Variants in KIAA1217 observed in about 807,000 individuals in gnomAD.
KIAA1217 encodes KIAA1217.
KIAA1217 carries 88 observed loss-of-function variants against 163.9 expected under a neutral mutation model. The ratio of observed to expected loss-of-function variants is 0.54; its 90% CI spans 0.45 to 0.64. KIAA1217 has a LOEUF of 0.64. Among genes scored for constraint, KIAA1217 ranks in the 30% least tolerant of loss-of-function variants. KIAA1217 has a pLI of 0.00. For synonymous variants in KIAA1217, 903 were observed against 923.1 expected, an observed-to-expected ratio of 0.98 and a Z score of 0.39; for missense variants, 2,372 against 2,475.0, an observed-to-expected ratio of 0.96 and a Z score of 0.88.
chr10:23,972,769 A>C (rs1464577209), intron 1 of KIAA1217, among the ~76,000 whole-genome samples: 1 of 152,032 alleles, frequency 6.6e-6, no homozygotes, highest in Non-Finnish European at 1.5e-5. Flanking sequence ...ATGGAATACT[A>C]TGTAGCCATG....
intron 1 of KIAA1217, among the ~76,000 whole-genome samples, chr10:23,729,908 T>G (rs1290391510): frequency 1.1e-5 from 1 of 92,042 alleles, no homozygotes; most frequent in Non-Finnish European, 2.3e-5. Context: ...TTCTATGAAA[T>G]TTTTTTTTTT....
At chr10:23,736,672 A>C (rs1190340975) in intron 1 of KIAA1217, among the ~76,000 whole-genome samples, 1 of 152,042 alleles carries the variant, frequency 6.6e-6, no homozygotes, top group Non-Finnish European at 1.5e-5. Flanking sequence ...ACAGGGACAT[A>C]CCACCATGCC....
intron 5 of KIAA1217, chr10:24,466,861 C>A: frequency 2.3e-6 from 2 of 879,284 alleles, no homozygotes; most frequent in Non-Finnish European, 2.7e-6. Flanking sequence ...CTGCTTACTT[C>A]ATTGTGTGGT....
chr10:24,057,071 C>G (rs1340302948), intron 2 of KIAA1217, among the ~76,000 whole-genome samples: 2 of 151,402 alleles, frequency 1.3e-5, no homozygotes, highest in Non-Finnish European at 2.9e-5. Context: ...TAGGAAGACC[C>G]CATCTCTACA....
At chr10:24,283,775 C>T (rs1236226662) in intron 2 of KIAA1217, among the ~76,000 whole-genome samples, 2 of 152,130 alleles carry the variant, frequency 1.3e-5, no homozygotes, top group Non-Finnish European at 2.9e-5. Context: ...GCTCTGCATC[C>T]TGGTCAGCAT....
At chr10:24,166,776 T>C (rs2065367554) in intron 2 of KIAA1217, among the ~76,000 whole-genome samples, 2 of 152,282 alleles carry the variant, frequency 1.3e-5, no homozygotes, top group South Asian at 4.1e-4. Flanking sequence ...AATTCAGATG[T>C]TCCTAGCATA....
chr10:24,533,915 C>A (rs2073529010), intron 16 of KIAA1217, among the ~76,000 whole-genome samples: 1 of 152,184 alleles, frequency 6.6e-6, no homozygotes, highest in African/African-American at 2.4e-5. Flanking sequence ...TGTGATTCTA[C>A]CCCAGGTCTA....
intron 1 of KIAA1217, among the ~76,000 whole-genome samples, chr10:23,727,206 A>T (rs6482326): frequency 1.3e-5 from 2 of 151,270 alleles, no homozygotes; most frequent in African/African-American, 4.9e-5. Flanking sequence ...TTAGTCAGGA[A>T]GGTCTCGATC....
intron 3 of KIAA1217, among the ~76,000 whole-genome samples, chr10:24,408,660 G>A (rs1257969918): frequency 6.6e-6 from 1 of 152,136 alleles, no homozygotes; most frequent in Admixed American, 6.6e-5. Flanking sequence ...CAAGGCCTTT[G>A]TACTTTCTGT....
chr10:24,057,409 G>A (rs760615085), intron 2 of KIAA1217, among the ~76,000 whole-genome samples: 5 of 152,164 alleles, frequency 3.3e-5, no homozygotes, highest in Middle Eastern at 3.4e-3. Context: ...TGTTACACTC[G>A]TTACATAGTA....
At chr10:23,941,636 C>T (rs1317032121) in intron 1 of KIAA1217, among the ~76,000 whole-genome samples, 1 of 152,182 alleles carries the variant, frequency 6.6e-6, no homozygotes, top group East Asian at 1.9e-4. Flanking sequence ...CACATATTTG[C>T]ATAAAAAATC....
At chr10:24,274,018 C>T (rs1018277633) in intron 2 of KIAA1217, among the ~76,000 whole-genome samples, 3 of 152,062 alleles carry the variant, frequency 2.0e-5, no homozygotes, top group African/African-American at 7.2e-5. Context: ...TAGACGCATA[C>T]CTCAACCAAA....
rs946629555 is a variant in KIAA1217, at chr10:24,227,902, G to T, written c.354+7993G>T. Reference sequence around the variant, plus strand: ...TTCTGGTTTCTCCCATCAGACCAGGGCTTTGCTGCTGTCTGAGTGCCCCTC... The same window carrying T: ...TTCTGGTTTCTCCCATCAGACCAGGTCTTTGCTGCTGTCTGAGTGCCCCTC... On this transcript the variant is annotated intron_variant, in intron 2 of 20. Coordinates refer to ENST00000376454, the MANE Select transcript of KIAA1217 (RefSeq NM_019590.5). 6.6e-5 allele frequency among the ~76,000 whole-genome samples: 10 copies of T among 152,234 alleles called. No homozygotes were observed. The East Asian group carries it at 1.9e-3, about 29-fold the overall frequency.
chr10:24,315,501 G>A (rs117896503), intron 2 of KIAA1217, among the ~76,000 whole-genome samples: 6 of 152,266 alleles, frequency 3.9e-5, no homozygotes, highest in South Asian at 2.1e-4. Context: ...CTGTGTCCAC[G>A]AAGCCTCCTT....
At chr10:24,075,443 A>C (rs1564670110) in intron 2 of KIAA1217, among the ~76,000 whole-genome samples, 2 of 151,554 alleles carry the variant, frequency 1.3e-5, no homozygotes, top group South Asian at 4.2e-4. Context: ...TCCTTTCCTT[A>C]ATTGCTGTAG....
intron 3 of KIAA1217, among the ~76,000 whole-genome samples, chr10:24,393,357 A>G (rs1809541398): frequency 6.6e-6 from 1 of 152,184 alleles, no homozygotes; most frequent in Admixed American, 6.5e-5. Context: ...GCTCTGTGGT[A>G]TGGATTTGAA....
intron 1 of KIAA1217, among the ~76,000 whole-genome samples, chr10:23,968,969 T>C (rs1349941835): frequency 6.6e-6 from 1 of 152,174 alleles, no homozygotes; most frequent in Non-Finnish European, 1.5e-5. Context: ...GGTCTATCGT[T>C]TTTGTCTCTT....
At chr10:24,133,485 T>C (rs1356596150) in intron 2 of KIAA1217, among the ~76,000 whole-genome samples, 1 of 150,752 alleles carries the variant, frequency 6.6e-6, no homozygotes, top group African/African-American at 2.5e-5. Context: ...GGCAGAAGAA[T>C]CACTTGAGCC....
chr10:24,381,141 C>G (rs79922705), intron 3 of KIAA1217, 74 bp downstream of exon 3: 2 of 1,071,020 alleles, frequency 1.9e-6, no homozygotes, highest in Non-Finnish European at 2.6e-6. Flanking sequence ...TGAACCTATA[C>G]TCTTTCATTC....
Sources: allele counts gnomAD v4.1 joint callset (sites outside exome capture counted in the v4.1 genomes callset), GRCh38; gene constraint gnomAD v4.1.1; transcripts MANE v1.5; gene names NCBI Gene and HGNC (gene_info 2026-07-23, HGNC 2026-07-21).